Variants in SLIT3 observed in about 807,000 individuals in gnomAD.
SLIT3 encodes the protein slit guidance ligand 3, also known as slit homolog 3 protein.
In SLIT3, 68 loss-of-function variants were observed where a neutral mutation model predicts 184.0. The ratio of observed to expected loss-of-function variants is 0.37; its 90% CI spans 0.30 to 0.45. The LOEUF (loss-of-function observed/expected upper bound fraction) is 0.45. SLIT3 is among the 20% of genes least tolerant of loss of function. The pLI is 1.00. For synonymous variants in SLIT3, 831 were observed against 828.6 expected (o/e 1.00, Z -0.05); for missense variants, 1,707 against 2,026.0 (o/e 0.84, Z 3.02).
chr5:168,920,359 C>G (rs997785994), intron 4 of SLIT3, among the ~76,000 whole-genome samples: 1 of 152,112 alleles, frequency 6.6e-6, no homozygotes, highest in Non-Finnish European at 1.5e-5. Flanking sequence ...CAGACTTCAC[C>G]GGGTGGCTAA....
intron 4 of SLIT3, among the ~76,000 whole-genome samples, chr5:169,147,286 G>A (rs1056893462): frequency 6.6e-6 from 1 of 152,124 alleles, no homozygotes; most frequent in Admixed American, 6.5e-5. Flanking sequence ...AAAAATTTTT[G>A]GAGATGGAGT....
At chr5:169,058,275 T>G (rs574312718) in intron 4 of SLIT3, among the ~76,000 whole-genome samples, 1 of 152,328 alleles carries the variant, frequency 6.6e-6, no homozygotes, top group East Asian at 1.9e-4. Flanking sequence ...TTCTCCCCAC[T>G]AGTATTCCAA....
intron 2 of SLIT3, among the ~76,000 whole-genome samples, chr5:169,249,805 G>A (rs940740148): frequency 1.3e-5 from 2 of 152,240 alleles, no homozygotes; most frequent in African/African-American, 4.8e-5. Context: ...CATGGCTGCT[G>A]GGGCAAAAGA....
intron 26 of SLIT3, among the ~76,000 whole-genome samples, chr5:168,702,091 G>T (rs1762234401): frequency 6.6e-6 from 1 of 152,216 alleles, no homozygotes; most frequent in Admixed American, 6.5e-5. Flanking sequence ...TCTTGGAGGG[G>T]GACAGGGAGA....
chr5:168,807,365 T>C (rs1475580841), intron 8 of SLIT3, among the ~76,000 whole-genome samples: 2 of 152,214 alleles, frequency 1.3e-5, no homozygotes, highest in Non-Finnish European at 2.9e-5. Flanking sequence ...TCACTTTCTG[T>C]GGTGGTCACA....
intron 4 of SLIT3, among the ~76,000 whole-genome samples, chr5:169,169,207 A>G (rs1762741595): frequency 6.6e-6 from 1 of 152,178 alleles, no homozygotes; most frequent in African/African-American, 2.4e-5. Flanking sequence ...TCCTGGGTCC[A>G]CGGCATCCAG....
intron 4 of SLIT3, among the ~76,000 whole-genome samples, chr5:168,940,777 A>T (rs1439903790): frequency 1.3e-5 from 2 of 152,144 alleles, no homozygotes; most frequent in Admixed American, 1.3e-4. Context: ...TTGTCATGAG[A>T]TGTATACCCT....
chr5:169,221,972 T>C (rs576906310), intron 3 of SLIT3, among the ~76,000 whole-genome samples: 3 of 152,268 alleles, frequency 2.0e-5, no homozygotes, highest in Admixed American at 6.5e-5. Flanking sequence ...AACAATTTCA[T>C]TAAAAGTCCA....
chr5:169,131,856 C>T (rs1761308090), intron 4 of SLIT3, among the ~76,000 whole-genome samples: 1 of 152,200 alleles, frequency 6.6e-6, no homozygotes, highest in African/African-American at 2.4e-5. Context: ...CCTTGGAGAT[C>T]TGAAGGAAAG....
At chr5:168,936,455 G>A (rs1336950123) in intron 4 of SLIT3, among the ~76,000 whole-genome samples, 1 of 152,004 alleles carries the variant, frequency 6.6e-6, no homozygotes, top group Admixed American at 6.5e-5. Flanking sequence ...GTCTTGTCTC[G>A]AACTCCTGAC....
At chr5:169,144,645 C>T (rs1761868724) in intron 4 of SLIT3, among the ~76,000 whole-genome samples, 1 of 152,222 alleles carries the variant, frequency 6.6e-6, no homozygotes, top group South Asian at 2.1e-4. Context: ...CAGGAAGGGT[C>T]TGGTCTCTTT....
chr5:168,824,874 C>A (rs1340913574), intron 6 of SLIT3, among the ~76,000 whole-genome samples: 1 of 152,200 alleles, frequency 6.6e-6, no homozygotes, highest in Non-Finnish European at 1.5e-5. Flanking sequence ...AGCCAGATGT[C>A]TTTTGCCCTT....
intron 20 of SLIT3, among the ~76,000 whole-genome samples, chr5:168,725,678 C>T (rs1195933025): frequency 6.6e-6 from 1 of 152,114 alleles, no homozygotes; most frequent in African/African-American, 2.4e-5. Context: ...AGATTCTGAC[C>T]CTAGGTCTGG....
rs569265944 is a variant in SLIT3 at position 169,280,489 on chromosome 5, C to T, written c.197+20024G>A. 4.6e-5 allele frequency among the ~76,000 whole-genome samples: 7 copies of T among 152,328 alleles called. No individual in the cohort carries two copies. The East Asian group carries it at 1.4e-3, about 29-fold the overall frequency. On this transcript the variant is annotated intron_variant, in intron 1 of 35. Transcript: ENST00000519560. ...GAAGCACACACACCAGCTGGCCCCT[C>T]GGCTATGTGGGAGTGTGTGAGCAGC...
At chr5:168,776,002 G>C (rs1353605207) in intron 12 of SLIT3, among the ~76,000 whole-genome samples, 1 of 152,202 alleles carries the variant, frequency 6.6e-6, no homozygotes, top group Admixed American at 6.5e-5. Flanking sequence ...CCTCTCGAAT[G>C]AAACTGGGGG....
chr5:168,895,249 A>C (rs1398717562), intron 4 of SLIT3, among the ~76,000 whole-genome samples: 1 of 152,112 alleles, frequency 6.6e-6, no homozygotes, highest in Non-Finnish European at 1.5e-5. Context: ...ATGGCACTAG[A>C]GTTCCTCTTA....
chr5:168,994,623 CTTTTTTTTTTTTTTTTTTTTTTTTTT>C (rs66498923), intron 4 of SLIT3, among the ~76,000 whole-genome samples: 1 of 47,074 alleles, frequency 2.1e-5, no homozygotes, highest in African/African-American at 9.8e-5. Flanking sequence ...TGGCATTCTA[CTTTTTTTTTTTTTTTTTTTTTTTTTT>C]TTTTTTTTTT....
intron 1 of SLIT3, among the ~76,000 whole-genome samples, chr5:169,292,174 T>C (rs1488204324): frequency 6.6e-6 from 1 of 152,184 alleles, no homozygotes; most frequent in East Asian, 1.9e-4. Flanking sequence ...AATCACTGTG[T>C]TTAAAAACCT....
At chr5:169,244,801 C>A (rs774198431) in intron 2 of SLIT3, 25 bp from the exon 3 acceptor site, 1 of 1,610,050 alleles carries the variant, frequency 6.2e-7, no homozygotes, top group South Asian at 1.1e-5. Context: ...ACAGCAATGA[C>A]TAAGGACAAA....
Sources: gnomAD v4.1 joint callset for allele counts (sites outside exome capture counted in the v4.1 genomes callset) on GRCh38, gnomAD v4.1.1 for gene constraint, MANE v1.5 for transcripts, NCBI Gene and HGNC (gene_info 2026-07-23, HGNC 2026-07-21) for gene names.